The following ANK3 variants were observed in gnomAD, a reference collection of about 807,000 sequenced individuals.
The protein encoded by ANK3 is ankyrin 3, also known as ankyrin-3.
Under a neutral mutation model 370.9 loss-of-function variants are expected in ANK3, and 57 were observed. The ratio of observed to expected loss-of-function variants is 0.15; its 90% CI spans 0.12 to 0.19. The LOEUF is 0.19. Among genes scored for constraint, ANK3 ranks in the 10% least tolerant of loss-of-function variants. The pLI is 1.00. For missense variants in ANK3, 4,439 were observed against 5,302.1 expected (o/e 0.84, Z 5.06); for synonymous variants, 1,929 against 1,946.3 (o/e 0.99, Z 0.23).
intron 1 of ANK3, among the ~76,000 whole-genome samples, chr10:60,638,599 A>C (rs1375843940): frequency 6.6e-6 from 1 of 152,150 alleles, no homozygotes; most frequent in Non-Finnish European, 1.5e-5. Flanking sequence ...AGCACATAAA[A>C]ATGTTAACAA....
intron 1 of ANK3, among the ~76,000 whole-genome samples, chr10:60,693,588 G>A (rs1354192551): frequency 6.6e-6 from 1 of 152,200 alleles, no homozygotes; most frequent in Non-Finnish European, 1.5e-5. Context: ...GTGGGTCCCT[G>A]ACCCCTGACC....
intron 28 of ANK3, among the ~76,000 whole-genome samples, chr10:60,100,033 T>A (rs2090908892): frequency 6.6e-6 from 1 of 152,192 alleles, no homozygotes. Flanking sequence ...AATCCATATA[T>A]GCAAATGCAT....
At chr10:60,103,512 T>C (rs770221922) in intron 28 of ANK3, among the ~76,000 whole-genome samples, 38 of 152,076 alleles carry the variant, frequency 2.5e-4, no homozygotes, top group Non-Finnish European at 4.7e-4. Context: ...TGGTCTGCTT[T>C]TGAAGAGAGG....
intron 1 of ANK3, among the ~76,000 whole-genome samples, chr10:60,324,852 A>G (rs1366607984): frequency 6.6e-6 from 1 of 152,204 alleles, no homozygotes; most frequent in African/African-American, 2.4e-5. Context: ...AGTGCCTAGA[A>G]TAGCATATAG....
At chr10:60,118,529 C>T (rs1366766192) in intron 25 of ANK3, among the ~76,000 whole-genome samples, 1 of 151,914 alleles carries the variant, frequency 6.6e-6, no homozygotes, top group East Asian at 1.9e-4. Context: ...TATGGATTAA[C>T]CAAATATGAG....
chr10:60,392,324 T>C (rs1481384169), upstream of ANK3, among the ~76,000 whole-genome samples: 1 of 152,220 alleles, frequency 6.6e-6, no homozygotes, highest in Non-Finnish European at 1.5e-5. Context: ...ATCAAAAATG[T>C]CCACTTAAAT....
intron 2 of ANK3, chr10:60,508,225 T>A (rs2075988820): frequency 6.6e-6 from 1 of 152,240 alleles, no homozygotes. Flanking sequence ...TGCAATGTGC[T>A]GTGATGCAGA....
At chr10:60,114,994 A>G (rs2092986444) in intron 25 of ANK3, among the ~76,000 whole-genome samples, 1 of 152,112 alleles carries the variant, frequency 6.6e-6, no homozygotes, top group African/African-American at 2.4e-5. Context: ...AAGCCAGGAG[A>G]GTTTTGGTGG....
chr10:60,073,046 T>C lies in ANK3; in HGVS notation c.7835A>G (p.Lys2612Arg), dbSNP rs776535847. The C allele has an allele frequency of 8.1e-6, 13 of 1,614,014 alleles. No homozygotes were observed. The highest frequency in any genetic ancestry group is 5.1e-6 in the Non-Finnish European group (6 of 1,180,024). The change falls in exon 37 of 44, where the codon AAG (lysine) becomes AGG (arginine). Residue 2612 changes from lysine (K) to arginine (R), a missense_variant. Coordinates refer to ENST00000280772, the MANE Select transcript of ANK3 (RefSeq NM_020987.5). ...TTCTTTGCCATTTTTAGGGCGTGCC[T>C]TTTTCTCTGGGGACTGCAGTTCATC... is the stretch of plus-strand genomic sequence containing the variant. The part of the protein sequence containing the change: ...LNDELQSPEK[K>R]ARPKNGKEYS...
At chr10:60,518,303 G>A (rs139559424) in intron 2 of ANK3, among the ~76,000 whole-genome samples, 60 of 152,130 alleles carry the variant, frequency 3.9e-4, no homozygotes, top group African/African-American at 1.3e-3. Flanking sequence ...CCTACTTCCC[G>A]GCAGATGAGA....
chr10:60,722,248 A>C (rs1369691602), intron 1 of ANK3, among the ~76,000 whole-genome samples: 1 of 152,092 alleles, frequency 6.6e-6, no homozygotes, highest in Non-Finnish European at 1.5e-5. Flanking sequence ...CAGTAGACTA[A>C]GAAAGCATAG....
At chr10:60,726,828 C>T (rs942085872) in intron 1 of ANK3, among the ~76,000 whole-genome samples, 7 of 152,158 alleles carry the variant, frequency 4.6e-5, no homozygotes, top group East Asian at 1.9e-4. Flanking sequence ...TTTTTAAAAA[C>T]TTGTTTTCCT....
intron 1 of ANK3, among the ~76,000 whole-genome samples, chr10:60,311,451 T>A (rs2046325912): frequency 8.3e-6 from 1 of 120,172 alleles, no homozygotes; most frequent in Admixed American, 9.5e-5. Context: ...AAATAGTAAC[T>A]AAGTAATTGG....
chr10:60,158,789 A>G (rs2095422435), intron 23 of ANK3, among the ~76,000 whole-genome samples: 2 of 150,226 alleles, frequency 1.3e-5, no homozygotes, highest in African/African-American at 4.9e-5. Context: ...AATTCTCCCA[A>G]CTCAGCCTCC....
intron 7 of ANK3, among the ~76,000 whole-genome samples, chr10:60,240,303 TA>T (rs1387674542): frequency 0.11 from 10,741 of 99,684 alleles, 1,005 homozygotes; most frequent in African/African-American, 0.24. Context: ...TATATATATA[TA>T]TATTTTTTTT....
Position 60,042,655 on chromosome 10 carries a change from A to T in ANK3, c.*19+17T>A. On this transcript the variant is annotated intron_variant, in intron 43 of 43. Coordinates refer to ENST00000280772, the MANE Select transcript of ANK3 (RefSeq NM_020987.5). ...AGGAATTTAAGTCCTACTGTTGTTG[A>T]TATGAACACACCTCACCTTGACTGA... 2.5e-6 allele frequency: 4 copies of T among 1,607,182 alleles called. No homozygotes were observed. The highest frequency in any genetic ancestry group is 3.4e-6 in the Non-Finnish European group (4 of 1,174,830).
At chr10:60,590,554 A>G (rs1205853717) in intron 2 of ANK3, among the ~76,000 whole-genome samples, 1 of 152,198 alleles carries the variant, frequency 6.6e-6, no homozygotes, top group African/African-American at 2.4e-5. Context: ...TTCAAGATCA[A>G]CTTACAAGTG....
At chr10:60,136,302 C>T (rs1463029523) in intron 24 of ANK3, among the ~76,000 whole-genome samples, 4 of 152,038 alleles carry the variant, frequency 2.6e-5, no homozygotes, top group East Asian at 3.9e-4. Context: ...CTGGTGTGAA[C>T]GAACAAATGA....
intron 18 of ANK3, among the ~76,000 whole-genome samples, chr10:60,176,765 AT>A (rs199555531): frequency 0.027 from 4,173 of 152,222 alleles, 131 homozygotes; most frequent in African/African-American, 0.076. Context: ...GTCTCAAAAA[AT>A]AAATAAATAA....
Sources: gnomAD v4.1 joint callset for allele counts (sites outside exome capture counted in the v4.1 genomes callset) on GRCh38, gnomAD v4.1.1 for gene constraint, MANE v1.5 for transcripts, NCBI Gene and HGNC (gene_info 2026-07-23, HGNC 2026-07-21) for gene names.